RCOR1: variants seen among roughly 807,000 people sequenced by gnomAD.
The protein encoded by RCOR1 is REST corepressor.
RCOR1 carries 12 observed loss-of-function variants against 64.0 expected under a neutral mutation model. The ratio of observed to expected loss-of-function variants is 0.19; its 90% CI spans 0.12 to 0.30. RCOR1 has a LOEUF of 0.30. Ranked by LOEUF, RCOR1 falls within the 10% of genes least tolerant of loss-of-function variation. RCOR1 has a pLI of 1.00. For missense variants in RCOR1, 502 were observed against 621.2 expected (o/e 0.81, Z 2.04); for synonymous variants, 279 against 227.2 (o/e 1.23, Z -2.05).
intron 2 of RCOR1, among the ~76,000 whole-genome samples, chr14:102,627,818 T>G (rs1220625220): frequency 1.3e-5 from 2 of 152,292 alleles, no homozygotes; most frequent in East Asian, 3.9e-4. Context: ...AATTGCTCCA[T>G]GTTGCTAAAT....
At chr14:102,595,652 T>C (rs1893226982) in intron 2 of RCOR1, among the ~76,000 whole-genome samples, 1 of 151,498 alleles carries the variant, frequency 6.6e-6, no homozygotes, top group African/African-American at 2.4e-5. Context: ...TGATCTCAGC[T>C]CACTGCAAGC....
intron 2 of RCOR1, among the ~76,000 whole-genome samples, chr14:102,681,556 C>CAG (rs1895303811): frequency 2.0e-5 from 3 of 152,192 alleles, no homozygotes; most frequent in Admixed American, 2.0e-4. Flanking sequence ...GTAACTCAGG[C>CAG]AGAGAAGGGT....
intron 2 of RCOR1, among the ~76,000 whole-genome samples, chr14:102,611,070 T>C (rs1228745700): frequency 1.3e-5 from 2 of 152,020 alleles, no homozygotes; most frequent in East Asian, 1.9e-4. Flanking sequence ...CTTAGTTTTT[T>C]GTTTGTTTGT....
intron 3 of RCOR1, among the ~76,000 whole-genome samples, chr14:102,699,755 A>ATT (rs397853295): frequency 7.6e-5 from 11 of 143,964 alleles, no homozygotes; most frequent in African/African-American, 1.8e-4. Flanking sequence ...ATGCTCCTTG[A>ATT]TTTTTTTTTT....
chr14:102,717,337 T>C (rs976953389), intron 8 of RCOR1, among the ~76,000 whole-genome samples: 35 of 152,358 alleles, frequency 2.3e-4, no homozygotes, highest in African/African-American at 7.7e-4. Flanking sequence ...TGTCATCTCA[T>C]AGACGCGAAG....
intron 2 of RCOR1, among the ~76,000 whole-genome samples, chr14:102,604,483 C>G (rs537857644): frequency 6.6e-6 from 1 of 152,216 alleles, no homozygotes; most frequent in Non-Finnish European, 1.5e-5. Flanking sequence ...AGTTTTAACA[C>G]ACATCAAATC....
intron 2 of RCOR1, among the ~76,000 whole-genome samples, chr14:102,627,350 A>G (rs543874159): frequency 4.1e-4 from 63 of 152,286 alleles, no homozygotes; most frequent in Middle Eastern, 3.4e-3. Context: ...TAAACGGGCT[A>G]TTACTTCTTG....
chr14:102,676,636 A>G (rs1895166726), intron 2 of RCOR1, among the ~76,000 whole-genome samples: 1 of 89,886 alleles, frequency 1.1e-5, no homozygotes, highest in Non-Finnish European at 2.2e-5. Flanking sequence ...TGGGGGGCTG[A>G]TCCCCCCACC....
Position 102,708,923 on chromosome 14 carries a change from A to G in RCOR1, c.779+340A>G, listed in dbSNP as rs188444652. On this transcript the variant is annotated intron_variant, in intron 6 of 11. Coordinates refer to ENST00000262241, the MANE Select transcript of RCOR1 (RefSeq NM_015156.4). ...TACAAGATTCATTTGGTGTGTTTTT[A>G]TGTTTGCCATGTGGAAACAAAAATA... is the stretch of plus-strand genomic sequence containing the variant. Among the ~76,000 whole-genome samples, 210 of 152,194 alleles carry G rather than the reference A, an allele frequency of 1.4e-3. 1 individual carries two copies. The highest frequency in any genetic ancestry group is 4.9e-3 in the Admixed American group (75 of 15,298).
intron 3 of RCOR1, among the ~76,000 whole-genome samples, chr14:102,685,781 G>A (rs2139964780): frequency 6.6e-6 from 1 of 152,278 alleles, no homozygotes; most frequent in East Asian, 1.9e-4. Context: ...GGGCAACATG[G>A]TGAAACCCCA....
intron 3 of RCOR1, among the ~76,000 whole-genome samples, chr14:102,683,505 C>T (rs983396118): frequency 4.6e-5 from 7 of 152,228 alleles, no homozygotes; most frequent in Admixed American, 4.6e-4. Context: ...TGGAGGCCAC[C>T]TGGGCGCAGG....
At chr14:102,657,729 TG>T in intron 2 of RCOR1, 1 of 408,274 alleles carries the variant, frequency 2.4e-6, no homozygotes, top group Non-Finnish European at 3.3e-6. Context: ...TCCCAGCTAC[TG>T]GGGAGACAGA....
chr14:102,597,226 A>G (rs1274084411), intron 2 of RCOR1, among the ~76,000 whole-genome samples: 2 of 152,064 alleles, frequency 1.3e-5, no homozygotes, highest in African/African-American at 4.8e-5. Flanking sequence ...GAATTTGAAC[A>G]GAGAGGTGGA....
intron 6 of RCOR1, chr14:102,710,676 G>T (rs1895938860): frequency 4.8e-6 from 2 of 420,848 alleles, no homozygotes; most frequent in African/African-American, 4.2e-5. Flanking sequence ...TAGTGTTTTA[G>T]ATCTGGATTG....
rs569187504 is a variant in RCOR1 at position 102,684,921 on chromosome 14, G to A, written c.445+2943G>A. On this transcript the variant is annotated intron_variant, in intron 3 of 11. Coordinates refer to ENST00000262241, the MANE Select transcript of RCOR1 (RefSeq NM_015156.4). ...AACAATTACTCTATTGAAAATTTAG[G>A]TGTCTCAGTTTTGGAAGAATATGGA... Among the ~76,000 whole-genome samples the A allele has an allele frequency of 2.2e-4, 33 of 152,244 alleles. No individual in the cohort carries two copies. In the South Asian group the frequency reaches 2.9e-3, roughly 13 times the overall value.
intron 2 of RCOR1, among the ~76,000 whole-genome samples, chr14:102,612,905 T>C (rs905233206): frequency 3.5e-5 from 5 of 144,836 alleles, no homozygotes; most frequent in African/African-American, 1.3e-4. Flanking sequence ...TGCTATGAGG[T>C]ATGATCACAC....
At chr14:102,600,918 G>A (rs918157866) in intron 2 of RCOR1, among the ~76,000 whole-genome samples, 7 of 150,848 alleles carry the variant, frequency 4.6e-5, no homozygotes, top group African/African-American at 1.7e-4. Flanking sequence ...GGCTGGGCAT[G>A]GTGGCTCACA....
chr14:102,663,431 A>G (rs1894862832), intron 2 of RCOR1, among the ~76,000 whole-genome samples: 1 of 152,174 alleles, frequency 6.6e-6, no homozygotes, highest in Non-Finnish European at 1.5e-5. Context: ...CTTTTTTCCT[A>G]ATTCAACCTT....
chr14:102,648,108 C>G (rs757984962), intron 2 of RCOR1, among the ~76,000 whole-genome samples: 13 of 151,846 alleles, frequency 8.6e-5, no homozygotes, highest in Non-Finnish European at 1.5e-5. Context: ...AGACAGAGTC[C>G]TGTTCTGTCA....
Sources: allele counts gnomAD v4.1 joint callset (sites outside exome capture counted in the v4.1 genomes callset), GRCh38; gene constraint gnomAD v4.1.1; transcripts MANE v1.5; gene names NCBI Gene and HGNC (gene_info 2026-07-23, HGNC 2026-07-21).